Variants in CHODL observed in about 807,000 individuals in gnomAD.
The protein encoded by CHODL is chondrolectin.
In CHODL, 29 loss-of-function variants were observed where a neutral mutation model predicts 34.5. The ratio of observed to expected loss-of-function variants is 0.84; its 90% CI spans 0.63 to 1.15. The LOEUF (loss-of-function observed/expected upper bound fraction) is 1.15, where lower values mean the gene tolerates loss of function less well. CHODL is among the 50% of genes most tolerant of loss of function. The pLI, the probability that CHODL is intolerant of heterozygous loss-of-function variation, is 0.00. For missense variants in CHODL, 332 were observed against 332.5 expected, an observed-to-expected ratio of 1.00 and a Z score of 0.01; for synonymous variants, 125 against 116.1, an observed-to-expected ratio of 1.08 and a Z score of -0.49.
At chr21:17,963,486 C>G (rs2063548699) in intron 1 of CHODL, among the ~76,000 whole-genome samples, 1 of 152,184 alleles carries the variant, frequency 6.6e-6, no homozygotes, top group Non-Finnish European at 1.5e-5. Flanking sequence ...GCACATCTTA[C>G]ATGGTGGCAG....
intron 1 of CHODL, among the ~76,000 whole-genome samples, chr21:17,947,879 T>C (rs59600048): frequency 0.24 from 37,108 of 152,066 alleles, 5,216 homozygotes; most frequent in South Asian, 0.41. Flanking sequence ...CTATTTATAA[T>C]AGCAAAGTCC....
At chr21:18,171,918 C>T (rs1459389836) in intron 2 of CHODL, among the ~76,000 whole-genome samples, 1 of 152,086 alleles carries the variant, frequency 6.6e-6, no homozygotes, top group African/African-American at 2.4e-5. Context: ...CCAAGGGACT[C>T]TTTAAGAGTG....
At chr21:18,103,953 C>A (rs1483832634) in intron 2 of CHODL, among the ~76,000 whole-genome samples, 1 of 152,152 alleles carries the variant, frequency 6.6e-6, no homozygotes, top group Non-Finnish European at 1.5e-5. Flanking sequence ...TCAGTTTTGC[C>A]CTTTTATAAA....
intron 1 of CHODL, among the ~76,000 whole-genome samples, chr21:18,255,181 CTATG>C (rs1343446840): frequency 6.6e-6 from 1 of 151,864 alleles, no homozygotes. Flanking sequence ...TCAGAGTATT[CTATG>C]TATGTATTTA....
intron 2 of CHODL, among the ~76,000 whole-genome samples, chr21:18,215,677 A>C (rs2073820686): frequency 6.6e-6 from 1 of 152,148 alleles, no homozygotes; most frequent in South Asian, 2.1e-4. Flanking sequence ...GACCAAGTTA[A>C]TTCTTGAATT....
chr21:18,232,235 C>T (rs367995740), intron 2 of CHODL, among the ~76,000 whole-genome samples: 7 of 151,924 alleles, frequency 4.6e-5, no homozygotes, highest in Admixed American at 2.6e-4. Context: ...TCATCATTTT[C>T]GATGTGCTAA....
chr21:18,025,183 A>T (rs2064162599), intron 1 of CHODL, among the ~76,000 whole-genome samples: 1 of 152,246 alleles, frequency 6.6e-6, no homozygotes, highest in African/African-American at 2.4e-5. Flanking sequence ...CCAAAGATTT[A>T]AAAGTAGACA....
intron 2 of CHODL, among the ~76,000 whole-genome samples, chr21:18,232,437 A>G (rs2073988530): frequency 1.3e-5 from 2 of 152,062 alleles, no homozygotes; most frequent in African/African-American, 4.8e-5. Flanking sequence ...TCTTCCTCAT[A>G]CATGGCACCT....
intron 2 of CHODL, among the ~76,000 whole-genome samples, chr21:18,095,933 G>T (rs1328465607): frequency 1.3e-5 from 2 of 152,178 alleles, no homozygotes; most frequent in East Asian, 3.8e-4. Flanking sequence ...TACTAAAACA[G>T]AATCTGATAA....
At chr21:18,047,709 G>A (rs1173891546) in intron 2 of CHODL, among the ~76,000 whole-genome samples, 1 of 151,902 alleles carries the variant, frequency 6.6e-6, no homozygotes, top group Non-Finnish European at 1.5e-5. Context: ...CAGCCTCAAT[G>A]TAGTAAGAGT....
chr21:18,173,532 C>G (rs2073256257), intron 2 of CHODL, among the ~76,000 whole-genome samples: 2 of 152,110 alleles, frequency 1.3e-5, no homozygotes, highest in Admixed American at 1.3e-4. Flanking sequence ...CAAATGTAGT[C>G]AAAATCTAAT....
chr21:18,259,256 TAATTC>T (rs1601221380), intron 3 of CHODL, among the ~76,000 whole-genome samples: 1 of 152,164 alleles, frequency 6.6e-6, no homozygotes, highest in African/African-American at 2.4e-5. Flanking sequence ...TTTTTTTAAA[TAATTC>T]AATTTATTTT....
intron 1 of CHODL, among the ~76,000 whole-genome samples, chr21:17,988,329 A>C (rs1053380342): frequency 2.7e-5 from 4 of 150,354 alleles, no homozygotes; most frequent in Admixed American, 6.6e-5. Context: ...ATCTACCTGG[A>C]CACAGCTAAC....
intron 2 of CHODL, among the ~76,000 whole-genome samples, chr21:18,101,022 C>G (rs1482870142): frequency 6.6e-6 from 1 of 152,102 alleles, no homozygotes; most frequent in African/African-American, 2.4e-5. Context: ...TGGTTTGGCT[C>G]TGTGTCCCCA....
At position 18,070,391 on chromosome 21, in the gene CHODL, G is replaced by A. The variant is rs368256525; in HGVS notation, c.-45+42420G>A. On this transcript the variant is annotated intron_variant, in intron 2 of 6. Coordinates refer to the CHODL transcript ENST00000400127. ...TCTAGATCCATGTTTCAAAAAGAGG[G>A]ATTTCACAAAATTCACCAGCAGTCC... is the stretch of plus-strand genomic sequence containing the variant. 4.0e-5 allele frequency among the ~76,000 whole-genome samples: 6 copies of A among 151,808 alleles called. No homozygotes were observed. The East Asian group carries it at 1.2e-3, about 30-fold the overall frequency.
intron 2 of CHODL, among the ~76,000 whole-genome samples, chr21:18,097,098 G>A (rs1014380792): frequency 1.3e-5 from 2 of 152,070 alleles, no homozygotes; most frequent in African/African-American, 4.8e-5. Context: ...GTATATGACA[G>A]ACCCAAAGCT....
At chr21:18,063,962 T>A (rs1165113571) in intron 2 of CHODL, among the ~76,000 whole-genome samples, 1 of 152,158 alleles carries the variant, frequency 6.6e-6, no homozygotes, top group Non-Finnish European at 1.5e-5. Context: ...GTTCATTCTG[T>A]CTTCCTAGAT....
chr21:18,198,986 A>G (rs903010761), intron 2 of CHODL, among the ~76,000 whole-genome samples: 2 of 152,156 alleles, frequency 1.3e-5, no homozygotes, highest in African/African-American at 4.8e-5. Flanking sequence ...CCTGTCTACT[A>G]CCATTTTAAA....
At chr21:18,056,667 C>T (rs1364396696) in intron 2 of CHODL, among the ~76,000 whole-genome samples, 1 of 151,938 alleles carries the variant, frequency 6.6e-6, no homozygotes, top group Non-Finnish European at 1.5e-5. Flanking sequence ...TATTTTTCAT[C>T]TCTTTAACTT....
Sources: gnomAD v4.1 joint callset for allele counts (sites outside exome capture counted in the v4.1 genomes callset) on GRCh38, gnomAD v4.1.1 for gene constraint, MANE v1.5 for transcripts, NCBI Gene and HGNC (gene_info 2026-07-23, HGNC 2026-07-21) for gene names.